Variants in GLIS3 observed in about 807,000 individuals in gnomAD.
GLIS3 encodes the protein GLIS family zinc finger 3, also known as zinc finger protein GLIS3.
A neutral mutation model predicts 78.6 loss-of-function variants in GLIS3; 53 were observed. The ratio of observed to expected loss-of-function variants is 0.67; its 90% CI spans 0.54 to 0.85. The LOEUF (loss-of-function observed/expected upper bound fraction) is 0.85, where lower values mean the gene tolerates loss of function less well. GLIS3 is among the 40% of genes least tolerant of loss of function. The probability of loss-of-function intolerance (pLI) is 0.00; values close to 1 mark genes in which losing one functional copy is unlikely to be tolerated. For synonymous variants in GLIS3, 684 were observed against 509.9 expected (o/e 1.34, Z -4.60); for missense variants, 1,703 against 1,231.1 (o/e 1.38, Z -5.74).
At chr9:4,308,462 A>G (rs890273230) in intron 4 of GLIS3, among the ~76,000 whole-genome samples, 1 of 152,042 alleles carries the variant, frequency 6.6e-6, no homozygotes, top group African/African-American at 2.4e-5. Context: ...AGGAGAAGGG[A>G]GAATGAAGAG....
At chr9:3,969,319 G>C (rs1435468884) in intron 4 of GLIS3, among the ~76,000 whole-genome samples, 3 of 152,080 alleles carry the variant, frequency 2.0e-5, no homozygotes, top group Non-Finnish European at 2.9e-5. Flanking sequence ...CATTAGGTTA[G>C]AAATGCAGAA....
the GLIS3 span, among the ~76,000 whole-genome samples, chr9:4,479,604 C>A: frequency 8.5e-6 from 1 of 117,798 alleles, no homozygotes; most frequent in Non-Finnish European, 1.9e-5. Context: ...CAAGTCAGCA[C>A]CCCTGCCTCC....
rs562934082 is a variant in GLIS3 at position 4,118,513 on chromosome 9, G to C, written c.965C>G (p.Thr322Arg). 1 of 1,614,254 alleles carries C rather than the reference G, an allele frequency of 6.2e-7. No individual in the cohort carries two copies. The highest frequency in any genetic ancestry group is 1.3e-5 in the African/African-American group (1 of 75,084). ...GTAGGCCACCAAGGACGTGGGCGAC[G>C]TGCGGATGATGGTATTGAAATCTAT... ...IGIDFNTIIR[T>R]SPTSLVAYIN... The change falls in exon 4 of 11, where the codon ACG (threonine) becomes AGG (arginine). Residue 322 changes from threonine to arginine, a missense_variant. Thr to Arg is a moderately conservative substitution (Grantham distance 71, BLOSUM62 -1). Coordinates refer to ENST00000381971, the MANE Select transcript of GLIS3 (RefSeq NM_001042413.2). This position sits in a 1 kb window ranked among gnomAD's most constrained non-coding sequence, Gnocchi z 4.7.
At chr9:4,364,780 A>T in the GLIS3 span, among the ~76,000 whole-genome samples, 6 of 5,620 alleles carry the variant, frequency 1.1e-3, no homozygotes, top group African/African-American at 4.6e-3. Flanking sequence ...TTTTTTTTTT[A>T]AAGAGACAGG....
At chr9:3,930,742 G>A (rs1237363822) in intron 6 of GLIS3, among the ~76,000 whole-genome samples, 1 of 152,192 alleles carries the variant, frequency 6.6e-6, no homozygotes, top group Admixed American at 6.5e-5. Flanking sequence ...GTTAATGATA[G>A]ATTTACTATT....
In GLIS3 at chr9:3,825,758, C is replaced by G. The variant is rs1243692464; in HGVS notation, c.*2514G>C. 6.6e-6 allele frequency: 1 copy of G among 152,208 alleles called. No individual in the cohort carries two copies. The highest frequency in any genetic ancestry group is 1.5e-5 in the Non-Finnish European group (1 of 68,068). The allele number at this position is 152,208 out of a possible 1,614,324, so 9.4% of individuals were successfully genotyped here. ...AGTCTGGAAGGCATCTGAACGTGTC[C>G]TATCCTGAGGCTGCAATCTCAAGCC... On this transcript the variant is annotated 3_prime_UTR_variant, in exon 11 of 11. Coordinates refer to ENST00000381971, the MANE Select transcript of GLIS3 (RefSeq NM_001042413.2).
At chr9:4,203,330 G>C (rs1176287896) in intron 2 of GLIS3, among the ~76,000 whole-genome samples, 1 of 152,154 alleles carries the variant, frequency 6.6e-6, no homozygotes, top group Non-Finnish European at 1.5e-5. Flanking sequence ...AAAATCAACA[G>C]ATGCTAGTGA....
chr9:4,362,002 T>C, the GLIS3 span, among the ~76,000 whole-genome samples: 3 of 152,244 alleles, frequency 2.0e-5, no homozygotes, highest in Non-Finnish European at 4.4e-5. Context: ...CAACGATTAA[T>C]TGATATCCTT....
At chr9:4,375,661 C>G in the GLIS3 span, among the ~76,000 whole-genome samples, 1 of 152,198 alleles carries the variant, frequency 6.6e-6, no homozygotes, top group African/African-American at 2.4e-5. Context: ...TTTGCTTCTA[C>G]AGTCATAAAA....
At chr9:3,996,744 T>C (rs374512541) in intron 4 of GLIS3, among the ~76,000 whole-genome samples, 24 of 152,088 alleles carry the variant, frequency 1.6e-4, no homozygotes, top group African/African-American at 4.1e-4. Context: ...AAGTCCAACA[T>C]TGGTTTTTTT....
intron 4 of GLIS3, among the ~76,000 whole-genome samples, chr9:4,113,392 T>A (rs893703376): frequency 1.3e-5 from 2 of 152,174 alleles, no homozygotes; most frequent in African/African-American, 4.8e-5. Context: ...ATCTTCAACC[T>A]TACTAGGTAT....
intron 1 of GLIS3, among the ~76,000 whole-genome samples, chr9:4,297,276 C>T (rs1816620174): frequency 6.6e-6 from 1 of 152,194 alleles, no homozygotes; most frequent in South Asian, 2.1e-4. Flanking sequence ...TTGAGGTCAT[C>T]TTCGAGCCAA....
At chr9:4,382,859 G>A in the GLIS3 span, among the ~76,000 whole-genome samples, 1 of 152,090 alleles carries the variant, frequency 6.6e-6, no homozygotes, top group Non-Finnish European at 1.5e-5. Context: ...TGAATTACAT[G>A]AGGGAAGATT....
chr9:3,866,976 T>C (rs1396350708), intron 8 of GLIS3, among the ~76,000 whole-genome samples: 1 of 152,012 alleles, frequency 6.6e-6, no homozygotes, highest in African/African-American at 2.4e-5. Context: ...GGGAGGAGGA[T>C]TGGAGTTGAT....
intron 2 of GLIS3, among the ~76,000 whole-genome samples, chr9:4,177,454 C>A (rs570197002): frequency 6.6e-6 from 1 of 152,306 alleles, no homozygotes; most frequent in South Asian, 2.1e-4. Context: ...AAATTTTACA[C>A]AGAGCCCAAT....
chr9:4,172,270 A>G (rs1208699491), intron 2 of GLIS3, among the ~76,000 whole-genome samples: 1 of 152,160 alleles, frequency 6.6e-6, no homozygotes, highest in Non-Finnish European at 1.5e-5. Flanking sequence ...GCTCAGCTCC[A>G]GTCCTCAATA....
At chr9:4,356,219 C>T in the GLIS3 span, among the ~76,000 whole-genome samples, 1 of 152,288 alleles carries the variant, frequency 6.6e-6, no homozygotes, top group Non-Finnish European at 1.5e-5. Context: ...ATTTCAGTCG[C>T]TATTGTATTC....
At chr9:3,882,705 CA>C in intron 7 of GLIS3, among the ~76,000 whole-genome samples, 1 of 152,174 alleles carries the variant, frequency 6.6e-6, no homozygotes, top group South Asian at 2.1e-4. Context: ...GTGAAGGGGA[CA>C]GAAATGGGCA....
rs1816930597 is a variant in GLIS3, at chr9:4,299,520, A to G, written c.-198T>C. On this transcript the variant is annotated 5_prime_UTR_variant, in exon 1 of 11. Transcript: ENST00000381971. The stretch of plus-strand genomic sequence containing the variant: ...GGGCGGCCGGCGCTGGCGAGGAGTA[A>G]CTTGGGGCTCCAGCCCTTCAGAGCG... 6.6e-6 allele frequency: 1 copy of G among 152,518 alleles called. No homozygotes were observed. Among genetic ancestry groups the G allele is most frequent in the African/African-American group, 2.4e-5 (1 of 41,436 alleles). The allele number at this position is 152,518 out of a possible 1,614,324, so 9.4% of individuals were successfully genotyped here.
Sources: gnomAD v4.1 joint callset for allele counts (sites outside exome capture counted in the v4.1 genomes callset) on GRCh38, gnomAD v4.1.1 for gene constraint, Gnocchi (gnomAD v3.1) non-coding constraint, MANE v1.5 for transcripts, NCBI Gene and HGNC (gene_info 2026-07-23, HGNC 2026-07-21) for gene names.